The following GNAS variants were observed in gnomAD, a reference collection of about 807,000 sequenced individuals.
The protein encoded by GNAS is protein ALEX.
A neutral mutation model predicts 54.5 loss-of-function variants in GNAS; 8 were observed. That is an observed-to-expected ratio of 0.15 (90% CI 0.09 to 0.26). The LOEUF (loss-of-function observed/expected upper bound fraction) is 0.26. Ranked by LOEUF, GNAS falls within the 10% of genes least tolerant of loss-of-function variation. GNAS has a pLI of 1.00. For synonymous variants in GNAS, 204 were observed against 191.4 expected, an observed-to-expected ratio of 1.07 and a Z score of -0.54; for missense variants, 170 against 529.8, an observed-to-expected ratio of 0.32 and a Z score of 6.67.
chr20:58,904,179 GTA>G (rs2090884418), intron 5 of GNAS, among the ~76,000 whole-genome samples: 1 of 152,144 alleles, frequency 6.6e-6, no homozygotes, highest in Non-Finnish European at 1.5e-5. Context: ...GGACAAAACT[GTA>G]TGTTAAATAT....
At chr20:58,896,697 A>G (rs932059827) in intron 2 of GNAS, among the ~76,000 whole-genome samples, 2 of 152,194 alleles carry the variant, frequency 1.3e-5, no homozygotes, top group African/African-American at 2.4e-5. Flanking sequence ...GTATGAGAGC[A>G]TTAACCGCAC....
chr20:58,891,759 C>A lies in GNAS; in HGVS notation c.33C>A (p.Asp11Glu). The A allele has an allele frequency of 7.9e-7, 1 of 1,259,660 alleles. No homozygotes were observed. The highest frequency in any genetic ancestry group is 1.0e-6 in the Non-Finnish European group (1 of 962,144). 78.0% of individuals were successfully genotyped at this position (1,259,660 alleles called of 1,614,324 possible). MGCLGNSKTE[D>E]QRNEEKAQRE... ...GCCTCGGGAACAGTAAGACCGAGGA[C>A]CAGCGCAACGAGGAGAAGGCGCAGC... Residue 11 changes from aspartate to glutamate, a missense_variant, in exon 1 of 13, where the codon GAC becomes GAA. Physicochemically the swap from Asp to Glu is conservative, Grantham distance 45 (BLOSUM62 2). Transcript: ENST00000371085.
rs6100265 is a variant in GNAS at position 58,894,113 on chromosome 20, T to C, written c.140-1499T>C. Among the ~76,000 whole-genome samples the C allele has an allele frequency of 6.7e-3, 1,015 of 152,334 alleles. 10 individuals carry two copies. The highest frequency in any genetic ancestry group is 0.022 in the African/African-American group (896 of 41,574). On this transcript the variant is annotated intron_variant, in intron 1 of 12. Transcript: ENST00000371085. ...CCCAAATCCTCTTTTTACTCCATCT[T>C]AATGACATAAAAATTAAGTGAATTA...
At chr20:58,889,599 A>T (rs1163584326), upstream of GNAS, 2 of 152,022 alleles carry the variant, frequency 1.3e-5, no homozygotes, top group African/African-American at 4.8e-5. Context: ...TTTTGAGTTG[A>T]CATTTCTTGG....
At position 58,863,866 on chromosome 20, in the gene GNAS, G is replaced by A. The variant is rs77064300; in HGVS notation, c.43+22980G>A. On this transcript the variant is annotated intron_variant, in intron 1 of 12. Transcript: ENST00000306090. The surrounding 1 kb of genome is among the most constrained non-coding windows in gnomAD (Gnocchi z 4.1). ...TATTTTTACAGGGAACCTGCATTCA[G>A]GTAAGTTTGAAGCTGTGGGATATTT... is the stretch of plus-strand genomic sequence containing the variant. 5,392 of 152,730 alleles carry A rather than the reference G, an allele frequency of 0.035. 130 individuals are homozygous for A. The highest frequency in any genetic ancestry group is 0.062 in the African/African-American group (2,556 of 41,554). The allele number at this position is 152,730 out of a possible 1,614,324, so 9.5% of individuals were successfully genotyped here.
chr20:58,868,544 C>CT (rs34603862), intron 1 of GNAS, among the ~76,000 whole-genome samples: 28,636 of 151,696 alleles, frequency 0.19, 3,086 homozygotes, highest in African/African-American at 0.3. Context: ...GGCATCTGCT[C>CT]GCCACAAGAA....
At chr20:58,851,030 G>C (rs992830690) in intron 1 of GNAS, 1 of 397,826 alleles carries the variant, frequency 2.5e-6, no homozygotes, top group African/African-American at 2.1e-5. Flanking sequence ...GTGAGTTGGT[G>C]TTGGGACCCA....
At chr20:58,877,245 G>A (rs1056645651) in intron 1 of GNAS, among the ~76,000 whole-genome samples, 2 of 151,990 alleles carry the variant, frequency 1.3e-5, no homozygotes, top group Non-Finnish European at 2.9e-5. Context: ...AGTGCAAAGC[G>A]GCTGTCACTG....
At chr20:58,897,177 C>T (rs555364641) in intron 2 of GNAS, among the ~76,000 whole-genome samples, 160 of 152,334 alleles carry the variant, frequency 1.1e-3, no homozygotes, top group Middle Eastern at 3.4e-3. Flanking sequence ...CATGCACATA[C>T]GTGCTATTGA....
intron 1 of GNAS, among the ~76,000 whole-genome samples, chr20:58,871,612 C>CG (rs1427552051): frequency 4.9e-5 from 3 of 61,522 alleles, no homozygotes; most frequent in African/African-American, 1.5e-4. Flanking sequence ...GATACTCCGT[C>CG]GAAAAAAAAA....
At chr20:58,885,742 T>C (rs1260930252) in intron 1 of GNAS, among the ~76,000 whole-genome samples, 1 of 152,248 alleles carries the variant, frequency 6.6e-6, no homozygotes, top group African/African-American at 2.4e-5. Flanking sequence ...ATTCCTGCTT[T>C]CATCATCTGC....
intron 1 of GNAS, among the ~76,000 whole-genome samples, chr20:58,862,691 T>G (rs1468102702): frequency 3.3e-5 from 5 of 151,898 alleles, no homozygotes; most frequent in African/African-American, 1.2e-4. Flanking sequence ...CATTCTTTGT[T>G]TACATTTTGT....
intron 1 of GNAS, among the ~76,000 whole-genome samples, chr20:58,870,053 C>T (rs1053433854): frequency 1.3e-5 from 2 of 152,308 alleles, no homozygotes; most frequent in Admixed American, 6.5e-5. Context: ...ACAGGCCTCC[C>T]ACACAAGGAC....
In GNAS at chr20:58,891,521, G is replaced by C. The variant is rs2089307091; in HGVS notation, c.-206G>C. The C allele has an allele frequency of 3.1e-6, 3 of 975,346 alleles. No individual in the cohort carries two copies. The highest frequency in any genetic ancestry group is 3.6e-6 in the Non-Finnish European group (3 of 824,484). The allele number at this position is 975,346 out of a possible 1,614,324, so 60.4% of individuals were successfully genotyped here. A position where few individuals can be genotyped will look rare whatever the true frequency, so the allele number is the denominator to read the frequency against. ...GGGCGGGGAGCTGCGCGCGCCCCTC[G>C]GTCCGACCGACACCCTCCCCTTCCC... On this transcript the variant is annotated 5_prime_UTR_variant, in exon 1 of 13. Transcript: ENST00000371085.
At chr20:58,882,801 T>C (rs1486179542) in intron 1 of GNAS, 1 of 152,162 alleles carries the variant, frequency 6.6e-6, no homozygotes, top group Non-Finnish European at 1.5e-5. Context: ...ATAATGGCCA[T>C]TTCTTACATA....
At chr20:58,900,073 G>T (rs1204202203) in intron 3 of GNAS, 1 of 601,950 alleles carries the variant, frequency 1.7e-6, no homozygotes, top group South Asian at 1.9e-5. Context: ...GTTATCTGAG[G>T]GGGGAGGGGG....
chr20:58,849,304 C>A (rs1042490992), intron 1 of GNAS, among the ~76,000 whole-genome samples: 5 of 152,154 alleles, frequency 3.3e-5, no homozygotes, highest in Non-Finnish European at 5.9e-5. Flanking sequence ...GAAACCCCTT[C>A]CTCTGGTGTG....
chr20:58,887,627 G>C (rs1425897630), upstream of GNAS, among the ~76,000 whole-genome samples: 3 of 152,198 alleles, frequency 2.0e-5, no homozygotes, highest in Non-Finnish European at 4.4e-5. Context: ...TTCAAAATAA[G>C]GTGTATTTTT....
chr20:58,875,032 T>A (rs1356589791), intron 1 of GNAS, among the ~76,000 whole-genome samples: 1 of 152,212 alleles, frequency 6.6e-6, no homozygotes, highest in Non-Finnish European at 1.5e-5. Context: ...TATGTTTTTT[T>A]GAAAATATCT....
Sources: gnomAD v4.1 joint callset for allele counts (sites outside exome capture counted in the v4.1 genomes callset) on GRCh38, gnomAD v4.1.1 for gene constraint, Gnocchi (gnomAD v3.1) non-coding constraint, MANE v1.5 for transcripts, NCBI Gene and HGNC (gene_info 2026-07-23, HGNC 2026-07-21) for gene names.